Variants in SLC8A1 observed in about 807,000 individuals in gnomAD.
SLC8A1 encodes the protein solute carrier family 8 member A1.
Under a neutral mutation model 68.3 loss-of-function variants are expected in SLC8A1, and 18 were observed. The observed-to-expected ratio is 0.26, with a 90% confidence interval of 0.18 to 0.39. The LOEUF (loss-of-function observed/expected upper bound fraction) is 0.39. Among genes scored for constraint, SLC8A1 ranks in the 10% least tolerant of loss-of-function variants. SLC8A1 has a pLI of 1.00. For missense variants in SLC8A1, 985 were observed against 1,156.7 expected, an observed-to-expected ratio of 0.85 and a Z score of 2.15; for synonymous variants, 475 against 415.5, an observed-to-expected ratio of 1.14 and a Z score of -1.74.
At chr2:40,454,559 A>G (rs1012614355), upstream of SLC8A1, among the ~76,000 whole-genome samples, 3 of 150,528 alleles carry the variant, frequency 2.0e-5, no homozygotes, top group Admixed American at 6.6e-5. Context: ...CTCTTTTCCA[A>G]TCGAAACTGC....
chr2:40,238,395 T>C (rs1216413803), intron 2 of SLC8A1, among the ~76,000 whole-genome samples: 2 of 151,658 alleles, frequency 1.3e-5, no homozygotes, highest in African/African-American at 2.4e-5. Context: ...CCCCTTTCTT[T>C]GACTCGGAAG....
chr2:40,251,736 C>G (rs1231982065), intron 2 of SLC8A1: 1 of 152,152 alleles, frequency 6.6e-6, no homozygotes, highest in East Asian at 1.9e-4. Context: ...GAATCTCAGC[C>G]TGATGGAGGC....
At position 40,160,902 on chromosome 2, in the gene SLC8A1, C is replaced by T. The variant is rs375149128; in HGVS notation, c.2062-38G>A. The T allele has an allele frequency of 5.1e-5, 74 of 1,462,264 alleles. 1 individual carries two copies. Among genetic ancestry groups the T allele is most frequent in the East Asian group, 1.6e-4 (7 of 44,152 alleles). 90.6% of individuals were successfully genotyped at this position (1,462,264 alleles called of 1,614,324 possible). ...AAAAGAAAAATATAAATGCTGGGTT[C>T]GCTAAGGCCTCAGGAAATCCAAGAC... On this transcript the variant is annotated intron_variant, in intron 5 of 7. Transcript: ENST00000406785.
chr2:40,450,190 C>G (rs1398552909), intron 1 of SLC8A1, among the ~76,000 whole-genome samples: 1 of 152,166 alleles, frequency 6.6e-6, no homozygotes, highest in East Asian at 1.9e-4. Flanking sequence ...CCAGGGAGCT[C>G]AATCCAAGTA....
Position 40,132,468 on chromosome 2 carries a change from G to A in SLC8A1, c.2437+6933C>T, listed in dbSNP as rs577561684. On this transcript the variant is annotated intron_variant, in intron 7 of 7. Coordinates refer to ENST00000406785, the Ensembl canonical transcript of SLC8A1. ...CCAGGAGGGTCACTCAGATTATGGG[G>A]CCTCTTGGAGTATGTAGCATACAAC... Among the ~76,000 whole-genome samples, 12 of 151,886 alleles carry A rather than the reference G, an allele frequency of 7.9e-5. No homozygotes were observed. The East Asian group carries it at 2.1e-3, about 27-fold the overall frequency.
intron 2 of SLC8A1, among the ~76,000 whole-genome samples, chr2:40,185,016 A>G (rs2050445399): frequency 6.6e-6 from 1 of 152,172 alleles, no homozygotes; most frequent in Non-Finnish European, 1.5e-5. Context: ...CATGGTCCAC[A>G]TAATTAGCTA....
chr2:40,422,446 T>C (rs1695782461), intron 2 of SLC8A1, among the ~76,000 whole-genome samples: 1 of 152,170 alleles, frequency 6.6e-6, no homozygotes, highest in African/African-American at 2.4e-5. Context: ...TTGTATGTCT[T>C]AGACCCTCAA....
intron 1 of SLC8A1, among the ~76,000 whole-genome samples, chr2:40,490,177 T>A (rs746826688): frequency 5.3e-5 from 8 of 152,108 alleles, no homozygotes; most frequent in Non-Finnish European, 1.0e-4. Flanking sequence ...CATCAATCAT[T>A]TGGAATATAC....
chr2:40,211,981 T>G (rs931758304), intron 2 of SLC8A1, among the ~76,000 whole-genome samples: 1 of 152,216 alleles, frequency 6.6e-6, no homozygotes, highest in Non-Finnish European at 1.5e-5. Flanking sequence ...CTATACCTAA[T>G]CCAAATTTGA....
intron 2 of SLC8A1, among the ~76,000 whole-genome samples, chr2:40,416,020 A>C (rs1013907485): frequency 6.7e-6 from 1 of 149,484 alleles, no homozygotes; most frequent in South Asian, 2.1e-4. Context: ...CACTGCACTT[A>C]AGCCTGGGTG....
At chr2:40,313,366 T>C (rs2074000220) in intron 2 of SLC8A1, among the ~76,000 whole-genome samples, 1 of 152,132 alleles carries the variant, frequency 6.6e-6, no homozygotes, top group Non-Finnish European at 1.5e-5. Context: ...ATCTAGGTTG[T>C]TTTGAGTTGT....
In SLC8A1 at chr2:40,152,127, A is replaced by AAGTT. The variant is rs1296696441; in HGVS notation, c.2161+8634_2161+8637dup. ...TAAGGTAGGTATTGCATCTTGATTA[A>AAGTT]AGTTAGAGTCCTAAATTTCTTTCTT... On this transcript the variant is annotated intron_variant, in intron 6 of 7. Coordinates refer to ENST00000406785, the Ensembl canonical transcript of SLC8A1. 9.2e-5 allele frequency among the ~76,000 whole-genome samples: 14 copies of AAGTT among 152,320 alleles called. No homozygotes were observed. In the South Asian group the frequency reaches 2.7e-3, roughly 29 times the overall value.
At chr2:40,458,397 G>A (rs529995921) in intron 1 of SLC8A1, among the ~76,000 whole-genome samples, 1 of 152,154 alleles carries the variant, frequency 6.6e-6, no homozygotes, top group East Asian at 1.9e-4. Context: ...TCAGCATCTA[G>A]AGCAGTTTTT....
intron 2 of SLC8A1, among the ~76,000 whole-genome samples, chr2:40,183,498 C>A (rs905995650): frequency 6.6e-6 from 1 of 152,210 alleles, no homozygotes; most frequent in Non-Finnish European, 1.5e-5. Context: ...CAATGGCTCA[C>A]CAACTCTGAG....
chr2:40,296,132 T>C (rs2070335604), intron 2 of SLC8A1, among the ~76,000 whole-genome samples: 1 of 152,224 alleles, frequency 6.6e-6, no homozygotes, highest in Non-Finnish European at 1.5e-5. Flanking sequence ...TCACTCTCCT[T>C]AATTCATTTA....
intron 7 of SLC8A1, among the ~76,000 whole-genome samples, chr2:40,127,752 A>G (rs912108623): frequency 1.3e-5 from 2 of 152,174 alleles, no homozygotes; most frequent in South Asian, 4.1e-4. Flanking sequence ...GGCTCCAGAG[A>G]GGCAGGATGG....
chr2:40,422,752 C>T (rs1223773708), intron 2 of SLC8A1, among the ~76,000 whole-genome samples: 1 of 152,046 alleles, frequency 6.6e-6, no homozygotes, highest in African/African-American at 2.4e-5. Flanking sequence ...AAAGTACTAA[C>T]AATATTTTAC....
chr2:40,408,045 C>T (rs1690925646), intron 2 of SLC8A1, among the ~76,000 whole-genome samples: 1 of 152,122 alleles, frequency 6.6e-6, no homozygotes, highest in Non-Finnish European at 1.5e-5. Flanking sequence ...TATGTTACCC[C>T]CATAACAAGT....
chr2:40,386,936 C>T (rs1171483952), intron 2 of SLC8A1, among the ~76,000 whole-genome samples: 1 of 151,234 alleles, frequency 6.6e-6, no homozygotes, highest in Non-Finnish European at 1.5e-5. Context: ...ATCACTTCAA[C>T]CCAAATATTA....
Sources: allele counts gnomAD v4.1 joint callset (sites outside exome capture counted in the v4.1 genomes callset), GRCh38; gene constraint gnomAD v4.1.1; transcripts MANE v1.5; gene names NCBI Gene and HGNC (gene_info 2026-07-23, HGNC 2026-07-21).